PCBP3: variants seen among roughly 807,000 people sequenced by gnomAD.
The protein encoded by PCBP3 is poly(rC) binding protein 3.
Under a neutral mutation model 52.7 loss-of-function variants are expected in PCBP3, and 25 were observed. The observed-to-expected ratio is 0.47, with a 90% CI of 0.35 to 0.66. The LOEUF (loss-of-function observed/expected upper bound fraction) is 0.66. PCBP3 is among the 30% of genes least tolerant of loss of function. The probability of loss-of-function intolerance (pLI) is 0.01; values close to 1 mark genes in which losing one functional copy is unlikely to be tolerated. For synonymous variants in PCBP3, 162 were observed against 183.0 expected (o/e 0.89, Z 0.93); for missense variants, 391 against 490.3 (o/e 0.80, Z 1.91).
chr21:45,921,523 A>C (rs1401213189), intron 13 of PCBP3, among the ~76,000 whole-genome samples: 1 of 152,240 alleles, frequency 6.6e-6, no homozygotes, highest in Non-Finnish European at 1.5e-5. Context: ...TGGGCTGGGC[A>C]TGGTGGCTCA....
rs533467241 is a variant in PCBP3 at position 45,914,117 on chromosome 21, G to A, written c.675+92G>A. ...CCCGTTAGTGCACTCAGGTTTTCTC[G>A]CCTTCTCACGTGCACGTCTCCCACC... On this transcript the variant is annotated intron_variant, in intron 12 of 17. Coordinates refer to ENST00000681687, the MANE Select transcript of PCBP3 (RefSeq NM_001384156.1). The A allele has an allele frequency of 2.4e-4, 376 of 1,594,876 alleles. 1 individual carries two copies. In the African/African-American group the frequency reaches 4.0e-3, roughly 17 times the overall value.
chr21:45,729,360 T>C (rs2085290625), intron 2 of PCBP3, among the ~76,000 whole-genome samples: 2 of 152,216 alleles, frequency 1.3e-5, no homozygotes, highest in Admixed American at 6.5e-5. Context: ...ATAGCACTGT[T>C]ATGAACAAGT....
chr21:45,941,760 C>G lies in PCBP3; in HGVS notation c.*54C>G, dbSNP rs907888979. On this transcript the variant is annotated 3_prime_UTR_variant, in exon 18 of 18. Transcript: ENST00000681687. ...CCCACCTGCCAGAGCCTAAGGCCCC[C>G]GGCTCTCGCACTCTGTACAGCCCAC... 4.1e-6 allele frequency: 6 copies of G among 1,473,646 alleles called. No homozygotes were observed. The highest frequency in any genetic ancestry group is 5.6e-6 in the Non-Finnish European group (6 of 1,069,990). 91.3% of individuals were successfully genotyped at this position (1,473,646 alleles called of 1,614,324 possible). A position where few individuals can be genotyped will look rare whatever the true frequency, so the allele number is the denominator to read the frequency against.
Position 45,920,985 on chromosome 21 carries a change from C to T in PCBP3, c.717+3356C>T, listed in dbSNP as rs2074354143. On this transcript the variant is annotated intron_variant, in intron 13 of 17. Coordinates refer to ENST00000681687, the MANE Select transcript of PCBP3 (RefSeq NM_001384156.1). ...TGTGGAAGACATTCTGTTTCTACAT[C>T]GGTGTCATGAGATTTGCAGAGCAGC... Among the ~76,000 whole-genome samples the T allele has an allele frequency of 5.3e-5, 8 of 152,282 alleles. No homozygotes were observed. The South Asian group carries it at 1.0e-3, about 20-fold the overall frequency.
chr21:45,824,309 T>G (rs1277836836), intron 4 of PCBP3, among the ~76,000 whole-genome samples: 1 of 152,188 alleles, frequency 6.6e-6, no homozygotes, highest in Non-Finnish European at 1.5e-5. Flanking sequence ...ACTCCGAGTT[T>G]TGCTGTGTTT....
At chr21:45,935,968 GGGA>G (rs1321622983) in intron 16 of PCBP3, among the ~76,000 whole-genome samples, 1 of 152,240 alleles carries the variant, frequency 6.6e-6, no homozygotes, top group East Asian at 1.9e-4. Flanking sequence ...ATGTCCTTAA[GGGA>G]TAGCTGCCAG....
intron 5 of PCBP3, chr21:45,873,167 C>G (rs1040466908): frequency 2.6e-5 from 4 of 152,354 alleles, no homozygotes; most frequent in African/African-American, 9.7e-5. Flanking sequence ...CTGCGACTTT[C>G]TCCTGCCTCT....
chr21:45,747,123 A>G (rs147926926), intron 3 of PCBP3, among the ~76,000 whole-genome samples: 6 of 152,332 alleles, frequency 3.9e-5, no homozygotes, highest in Non-Finnish European at 7.4e-5. Context: ...AGGCCTCACA[A>G]TCATGGCCAA....
At chr21:45,844,561 G>A (rs1256090382) in intron 4 of PCBP3, among the ~76,000 whole-genome samples, 1 of 152,068 alleles carries the variant, frequency 6.6e-6, no homozygotes, top group Non-Finnish European at 1.5e-5. Context: ...TGGTCTCCCC[G>A]CTCCTCTGTG....
At chr21:45,797,755 T>A (rs1323414636) in intron 4 of PCBP3, among the ~76,000 whole-genome samples, 1 of 3,014 alleles carries the variant, frequency 3.3e-4, no homozygotes, top group Non-Finnish European at 6.6e-4. Flanking sequence ...ATAGAGAGAG[T>A]GAATGGATGT....
At chr21:45,815,212 GTGAGTGGTGAGTGA>G (rs2092866769) in intron 4 of PCBP3, among the ~76,000 whole-genome samples, 1 of 53,756 alleles carries the variant, frequency 1.9e-5, no homozygotes, top group Non-Finnish European at 3.7e-5. Context: ...TGAGTGATGA[GTGAGTGGTGAGTGA>G]TGAGTGGTGA....
At chr21:45,924,016 CACGAGGAGATGCGAACACCGGGAACA>C (rs1367257332) in intron 13 of PCBP3, among the ~76,000 whole-genome samples, 10 of 110,124 alleles carry the variant, frequency 9.1e-5, no homozygotes, top group African/African-American at 2.5e-4. Flanking sequence ...ATCGGGTGTG[CACGAGGAGATGCGAACACCGGGAACA>C]GTCGAGTGGG....
In PCBP3 at chr21:45,704,547, T is replaced by TG. The variant is rs1323143369; in HGVS notation, c.-199-30839dup. Among the ~76,000 whole-genome samples the TG allele has an allele frequency of 1.3e-5, 2 of 151,516 alleles. No individual in the cohort carries two copies. The highest frequency in any genetic ancestry group is 2.4e-5 in the African/African-American group (1 of 41,180). On this transcript the variant is annotated intron_variant, in intron 2 of 17. Transcript: ENST00000681687. The surrounding 1 kb of genome is among the most constrained non-coding windows in gnomAD (Gnocchi z 4.1). ...GGGGAGTGCTGTCTGCTGCTGGCGG[T>TG]GGGGGGCGGTGATCGGATATGGGAA...
At chr21:45,890,792 C>T (rs1292425278) in intron 5 of PCBP3, among the ~76,000 whole-genome samples, 8 of 149,814 alleles carry the variant, frequency 5.3e-5, no homozygotes, top group Non-Finnish European at 8.9e-5. Flanking sequence ...ATAATAGAAC[C>T]TGGAACTCTG....
intron 2 of PCBP3, chr21:45,673,518 A>T (rs921320835): frequency 2.6e-5 from 4 of 152,166 alleles, no homozygotes; most frequent in South Asian, 4.2e-4. Flanking sequence ...TCCCAGACTC[A>T]TCCCTCTCTC....
At chr21:45,883,149 T>C (rs2095441092) in intron 5 of PCBP3, among the ~76,000 whole-genome samples, 1 of 152,238 alleles carries the variant, frequency 6.6e-6, no homozygotes, top group Non-Finnish European at 1.5e-5. Context: ...ATTCCCTCTT[T>C]GACCCTTGGA....
At chr21:45,703,340 A>C (rs2083248870) in intron 2 of PCBP3, among the ~76,000 whole-genome samples, 1 of 152,216 alleles carries the variant, frequency 6.6e-6, no homozygotes, top group South Asian at 2.1e-4. Flanking sequence ...TACAAAATGT[A>C]TTTCTTAAGT....
intron 13 of PCBP3, among the ~76,000 whole-genome samples, chr21:45,920,313 C>T (rs933500514): frequency 1.3e-5 from 2 of 152,206 alleles, no homozygotes; most frequent in Non-Finnish European, 2.9e-5. Flanking sequence ...TTTCCAGAGG[C>T]CGTGGCTGTG....
chr21:45,720,856 G>A (rs555298778), intron 2 of PCBP3, among the ~76,000 whole-genome samples: 2 of 152,348 alleles, frequency 1.3e-5, no homozygotes, highest in South Asian at 4.1e-4. Context: ...GTTCTAAGAT[G>A]ATTTGGACCT....
Sources: gnomAD v4.1 joint callset for allele counts (sites outside exome capture counted in the v4.1 genomes callset) on GRCh38, gnomAD v4.1.1 for gene constraint, Gnocchi (gnomAD v3.1) non-coding constraint, MANE v1.5 for transcripts, NCBI Gene and HGNC (gene_info 2026-07-23, HGNC 2026-07-21) for gene names.